Variants in SOX5 observed in about 807,000 individuals in gnomAD.
SOX5 encodes transcription factor SOX-5.
Under a neutral mutation model 92.0 loss-of-function variants are expected in SOX5, and 9 were observed. The observed-to-expected ratio is 0.10, with a 90% CI of 0.06 to 0.17. The LOEUF is 0.17. Among genes scored for constraint, SOX5 ranks in the 10% least tolerant of loss-of-function variants. The pLI, the probability that SOX5 is intolerant of heterozygous loss-of-function variation, is 1.00. For synonymous variants in SOX5, 344 were observed against 336.3 expected, an observed-to-expected ratio of 1.02 and a Z score of -0.25; for missense variants, 642 against 944.5, an observed-to-expected ratio of 0.68 and a Z score of 4.20.
chr12:24,242,609 A>G (rs1231805515), intron 3 of SOX5, among the ~76,000 whole-genome samples: 1 of 152,088 alleles, frequency 6.6e-6, no homozygotes, highest in Non-Finnish European at 1.5e-5. Flanking sequence ...ATAGTCACTA[A>G]TAATCAAAGA....
chr12:23,947,442 C>T (rs989958480), intron 1 of SOX5, among the ~76,000 whole-genome samples: 6 of 151,802 alleles, frequency 4.0e-5, no homozygotes, highest in Admixed American at 6.6e-5. Flanking sequence ...CTACATGATA[C>T]ACTGTATCAT....
At chr12:24,239,463 CCT>C in intron 3 of SOX5, among the ~76,000 whole-genome samples, 1 of 152,164 alleles carries the variant, frequency 6.6e-6, no homozygotes, top group Non-Finnish European at 1.5e-5. Flanking sequence ...TTAATCTTGG[CCT>C]GGTGTGCCTC....
chr12:24,518,593 C>T (rs563523024), intron 1 of SOX5, among the ~76,000 whole-genome samples: 3 of 152,030 alleles, frequency 2.0e-5, no homozygotes, highest in Admixed American at 2.0e-4. Flanking sequence ...AGATAACACC[C>T]AAAACAGACT....
At chr12:23,554,071 T>G (rs1459575743) in intron 11 of SOX5, among the ~76,000 whole-genome samples, 1 of 152,062 alleles carries the variant, frequency 6.6e-6, no homozygotes, top group Non-Finnish European at 1.5e-5. Context: ...CCATGGTAGT[T>G]TTAAATACAG....
intron 1 of SOX5, among the ~76,000 whole-genome samples, chr12:23,936,557 T>A (rs1318314337): frequency 1.3e-5 from 2 of 150,688 alleles, no homozygotes; most frequent in Non-Finnish European, 3.0e-5. Context: ...CCCCTAAGTC[T>A]TTCTAACTCA....
chr12:24,448,008 C>G (rs1941738190), intron 1 of SOX5, among the ~76,000 whole-genome samples: 1 of 152,128 alleles, frequency 6.6e-6, no homozygotes, highest in Non-Finnish European at 1.5e-5. Context: ...TGGTGAAACC[C>G]TATCTCTACT....
At chr12:24,145,566 G>A (rs7294707) in intron 4 of SOX5, among the ~76,000 whole-genome samples, 56,463 of 151,942 alleles carry the variant, frequency 0.37, 11,329 homozygotes, top group Non-Finnish European at 0.47. Context: ...GAGCAATCTC[G>A]GCTCACTGCA....
At chr12:23,542,894 G>A (rs1432706668) in intron 13 of SOX5, among the ~76,000 whole-genome samples, 2 of 152,154 alleles carry the variant, frequency 1.3e-5, no homozygotes, top group Non-Finnish European at 2.9e-5. Context: ...ATGATCAGTA[G>A]CAATATCTAG....
intron 4 of SOX5, among the ~76,000 whole-genome samples, chr12:24,089,754 C>A (rs904395585): frequency 4.6e-5 from 7 of 152,070 alleles, no homozygotes; most frequent in African/African-American, 1.7e-4. Context: ...ATAAGGAATT[C>A]TTTAAGATGA....
intron 4 of SOX5, among the ~76,000 whole-genome samples, chr12:24,067,022 TC>T (rs1940862424): frequency 6.6e-6 from 1 of 152,064 alleles, no homozygotes; most frequent in African/African-American, 2.4e-5. Flanking sequence ...CCCTACCAAA[TC>T]CCAACCCATT....
chr12:24,327,857 T>G (rs970404539), intron 2 of SOX5, among the ~76,000 whole-genome samples: 2 of 151,076 alleles, frequency 1.3e-5, no homozygotes, highest in Non-Finnish European at 2.9e-5. Context: ...CTCCCATAAT[T>G]TCGTATTTTT....
At chr12:23,633,788 A>G (rs1396397212) in intron 8 of SOX5, among the ~76,000 whole-genome samples, 1 of 152,180 alleles carries the variant, frequency 6.6e-6, no homozygotes, top group Non-Finnish European at 1.5e-5. Context: ...CCAGTAGTTC[A>G]TATTTTTATA....
intron 6 of SOX5, among the ~76,000 whole-genome samples, chr12:23,692,199 G>A (rs551750393): frequency 4.7e-4 from 72 of 152,048 alleles, no homozygotes; most frequent in Admixed American, 2.6e-4. Context: ...TTGGGAGGCC[G>A]AGACAGGCGG....
At chr12:23,805,757 C>G (rs956012832) in intron 3 of SOX5, among the ~76,000 whole-genome samples, 3 of 152,102 alleles carry the variant, frequency 2.0e-5, no homozygotes, top group Non-Finnish European at 4.4e-5. Flanking sequence ...CAAAGTCAAA[C>G]TTATCATCTA....
intron 3 of SOX5, among the ~76,000 whole-genome samples, chr12:23,821,776 A>T (rs2096122947): frequency 6.6e-6 from 1 of 151,890 alleles, no homozygotes; most frequent in Non-Finnish European, 1.5e-5. Flanking sequence ...ATTGGCCTGA[A>T]ATTTTCTTTT....
At chr12:24,113,071 T>C (rs576972939) in intron 4 of SOX5, among the ~76,000 whole-genome samples, 21 of 152,030 alleles carry the variant, frequency 1.4e-4, no homozygotes, top group Admixed American at 1.1e-3. Context: ...CAAAATTATG[T>C]AAGCTGTTCA....
chr12:24,295,728 G>T (rs1947137138), intron 2 of SOX5, among the ~76,000 whole-genome samples: 1 of 80,262 alleles, frequency 1.2e-5, no homozygotes, highest in African/African-American at 3.7e-5. Flanking sequence ...AGCACATCTG[G>T]CTAATTTTTG....
intron 3 of SOX5, among the ~76,000 whole-genome samples, chr12:23,799,757 A>G (rs1250540225): frequency 6.6e-6 from 1 of 152,080 alleles, no homozygotes; most frequent in Non-Finnish European, 1.5e-5. Flanking sequence ...TATCCAAAAT[A>G]AAATTACAGA....
At chr12:23,828,753 C>CAA (rs149215692) in intron 3 of SOX5, among the ~76,000 whole-genome samples, 31 of 133,104 alleles carry the variant, frequency 2.3e-4, no homozygotes, top group Middle Eastern at 3.9e-3. Context: ...TTCAGGACAT[C>CAA]AAAAAAAAAA....
Sources: gnomAD v4.1 joint callset for allele counts (sites outside exome capture counted in the v4.1 genomes callset) on GRCh38, gnomAD v4.1.1 for gene constraint, MANE v1.5 for transcripts, NCBI Gene and HGNC (gene_info 2026-07-23, HGNC 2026-07-21) for gene names.